Variants in CD36 observed in about 807,000 individuals in gnomAD.
The protein encoded by CD36 is CD36 molecule (CD36 blood group), also known as platelet glycoprotein 4.
In CD36, 119 loss-of-function variants were observed where a neutral mutation model predicts 55.2. The observed-to-expected ratio is 2.15, with a 90% CI of 1.86 to 2.51. The LOEUF is 2.51. Ranked by LOEUF, CD36 falls within the 30% of genes most tolerant of loss-of-function variation. The probability of loss-of-function intolerance (pLI) is 0.00; values close to 1 mark genes in which losing one functional copy is unlikely to be tolerated. For missense variants in CD36, 819 were observed against 555.5 expected, an observed-to-expected ratio of 1.47 and a Z score of -4.77; for synonymous variants, 186 against 193.6, an observed-to-expected ratio of 0.96 and a Z score of 0.33.
chr7:80,663,094 G>C lies in CD36; in HGVS notation c.534G>C (p.Leu178=), dbSNP rs966002749. The C allele has an allele frequency of 6.2e-7, 1 of 1,613,524 alleles. No individual in the cohort carries two copies. Among genetic ancestry groups the C allele is most frequent in the African/African-American group, 1.3e-5 (1 of 74,892 alleles). Residue 178 remains leucine (L), a synonymous_variant, in exon 6 of 15, where the codon CTG becomes CTC. Transcript: ENST00000447544. ...TCCAAGTCAGAACTTTGAGAGAACT[G>C]TTATGGGGCTATAGGGATCCATTTT... The part of the protein sequence containing the change: ...SMFQVRTLRE[L]LWGYRDPFLS...
chr7:80,617,262 A>G (rs900553305), intron 1 of CD36, among the ~76,000 whole-genome samples: 1 of 152,126 alleles, frequency 6.6e-6, no homozygotes, highest in Non-Finnish European at 1.5e-5. Flanking sequence ...GAGAATCAGG[A>G]AAAATCACTA....
chr7:80,630,047 G>T (rs1451476999), intron 1 of CD36, among the ~76,000 whole-genome samples: 1 of 151,998 alleles, frequency 6.6e-6, no homozygotes, highest in Non-Finnish European at 1.5e-5. Flanking sequence ...TTAGTAAATA[G>T]CACAAGTTTC....
chr7:80,653,626 GTGTACATACTTACCAGCTT>G (rs1242746306), intron 3 of CD36, among the ~76,000 whole-genome samples: 6 of 152,236 alleles, frequency 3.9e-5, no homozygotes, highest in South Asian at 4.1e-4. Flanking sequence ...CACTTTTTCT[GTGTACATACTTACCAGCTT>G]TGTACTTCAA....
intron 1 of CD36, among the ~76,000 whole-genome samples, chr7:80,630,581 G>A (rs1486128601): frequency 6.6e-6 from 1 of 152,002 alleles, no homozygotes; most frequent in Admixed American, 6.6e-5. Context: ...AGTACTTGAT[G>A]CTTTTAATTT....
At chr7:80,640,223 T>G (rs1479579350) in intron 1 of CD36, among the ~76,000 whole-genome samples, 1 of 152,032 alleles carries the variant, frequency 6.6e-6, no homozygotes, top group African/African-American at 2.4e-5. Context: ...GTCTTTCCAT[T>G]TGCATATTTT....
rs189325806 is a variant in CD36 at position 80,631,596 on chromosome 7, A to T, written c.-183-14492A>T. On this transcript the variant is annotated intron_variant, in intron 1 of 13. Transcript: ENST00000309881. Reference sequence around the variant, plus strand: ...TTCAAGAAGATAACCAGCTATCACAAAGACACATACAGGACAGTTGAAGGG... The same window carrying T: ...TTCAAGAAGATAACCAGCTATCACATAGACACATACAGGACAGTTGAAGGG... 9.9e-5 allele frequency among the ~76,000 whole-genome samples: 15 copies of T among 152,024 alleles called. No homozygotes were observed. In the East Asian group the frequency reaches 2.9e-3, roughly 30 times the overall value.
At chr7:80,615,027 T>A (rs577537508) in intron 1 of CD36, among the ~76,000 whole-genome samples, 144 of 152,100 alleles carry the variant, frequency 9.5e-4, no homozygotes, top group South Asian at 1.9e-3. Flanking sequence ...TGATAATGAC[T>A]CTTAGGGCTT....
intron 1 of CD36, among the ~76,000 whole-genome samples, chr7:80,642,528 T>C (rs1304878074): frequency 6.6e-6 from 1 of 152,138 alleles, no homozygotes; most frequent in African/African-American, 2.4e-5. Flanking sequence ...TTACGTAGTA[T>C]GGGTGGTTCT....
intron 1 of CD36, among the ~76,000 whole-genome samples, chr7:80,616,647 T>A (rs1793176653): frequency 6.6e-6 from 1 of 152,164 alleles, no homozygotes; most frequent in Admixed American, 6.5e-5. Flanking sequence ...AGTAACAAAG[T>A]CCAAAAGAAG....
chr7:80,617,742 A>G (rs1793246353), intron 1 of CD36, among the ~76,000 whole-genome samples: 1 of 152,070 alleles, frequency 6.6e-6, no homozygotes, highest in Non-Finnish European at 1.5e-5. Context: ...AAAAAAAAAA[A>G]AAAATTGTTG....
intron 3 of CD36, among the ~76,000 whole-genome samples, chr7:80,653,841 C>T (rs777088401): frequency 1.1e-4 from 17 of 152,156 alleles, no homozygotes; most frequent in Admixed American, 1.1e-3. Flanking sequence ...ATTACTACTT[C>T]GACTACTTCA....
chr7:80,647,810 T>A (rs564432668), intron 3 of CD36, among the ~76,000 whole-genome samples: 1 of 152,264 alleles, frequency 6.6e-6, no homozygotes, highest in Non-Finnish European at 1.5e-5. Flanking sequence ...TTATTAAACA[T>A]AATACTGGCC....
At chr7:80,645,903 C>G (rs1795134628) in intron 1 of CD36, among the ~76,000 whole-genome samples, 185 bp from the exon 2 acceptor site, 1 of 152,120 alleles carries the variant, frequency 6.6e-6, no homozygotes, top group African/African-American at 2.4e-5. Flanking sequence ...GTAAGATACT[C>G]TTATTTTAAA....
chr7:80,609,597 A>G (rs948628192), intron 1 of CD36, among the ~76,000 whole-genome samples: 19 of 152,156 alleles, frequency 1.2e-4, no homozygotes, highest in Non-Finnish European at 2.5e-4. Context: ...AGAAGTCCAA[A>G]CTAAGAATAC....
chr7:80,605,291 C>T (rs1194178), intron 1 of CD36, among the ~76,000 whole-genome samples: 82,542 of 152,048 alleles, frequency 0.54, 23,815 homozygotes, highest in African/African-American at 0.73. Context: ...TTAGAAGCAA[C>T]ATTGTGCTAA....
chr7:80,642,007 C>A (rs1439980631), intron 1 of CD36, among the ~76,000 whole-genome samples: 2 of 151,848 alleles, frequency 1.3e-5, no homozygotes, highest in Non-Finnish European at 2.9e-5. Context: ...ATAGGGTCCA[C>A]TCATGAATTC....
intron 3 of CD36, among the ~76,000 whole-genome samples, chr7:80,648,185 G>T (rs1795313754): frequency 6.6e-6 from 1 of 152,114 alleles, no homozygotes; most frequent in South Asian, 2.1e-4. Context: ...ATAGTGAGGT[G>T]TGGGGCTTAT....
chr7:80,639,334 C>A (rs984077530), intron 1 of CD36, among the ~76,000 whole-genome samples: 1 of 151,800 alleles, frequency 6.6e-6, no homozygotes, highest in African/African-American at 2.4e-5. Flanking sequence ...AAGATATTGT[C>A]ATTGTTACTG....
At chr7:80,669,264 A>T (rs1168730714) in intron 8 of CD36, among the ~76,000 whole-genome samples, 2 of 152,208 alleles carry the variant, frequency 1.3e-5, no homozygotes, top group African/African-American at 4.8e-5. Flanking sequence ...TGTTGACAAT[A>T]GCAGCCGCCA....
Sources: gnomAD v4.1 joint callset for allele counts (sites outside exome capture counted in the v4.1 genomes callset) on GRCh38, gnomAD v4.1.1 for gene constraint, MANE v1.5 for transcripts, NCBI Gene and HGNC (gene_info 2026-07-23, HGNC 2026-07-21) for gene names.